PKHD1: variants seen among roughly 807,000 people sequenced by gnomAD.
The protein encoded by PKHD1 is fibrocystin.
In PKHD1, 291 loss-of-function variants were observed where a neutral mutation model predicts 412.0. The observed-to-expected ratio is 0.71, with a 90% CI of 0.64 to 0.78. The LOEUF (loss-of-function observed/expected upper bound fraction) is 0.78, where lower values mean the gene tolerates loss of function less well. PKHD1 is among the 30% of genes least tolerant of loss of function. PKHD1 has a pLI of 0.00. For synonymous variants in PKHD1, 1,777 were observed against 1,821.5 expected, an observed-to-expected ratio of 0.98 and a Z score of 0.62; for missense variants, 4,825 against 4,950.7, an observed-to-expected ratio of 0.97 and a Z score of 0.76.
chr6:51,835,807 T>C (rs1248038214), intron 51 of PKHD1, among the ~76,000 whole-genome samples: 1 of 152,200 alleles, frequency 6.6e-6, no homozygotes, highest in Non-Finnish European at 1.5e-5. Flanking sequence ...TGCTCTGACA[T>C]AGCACAAAAA....
At chr6:51,873,890 T>C (rs1333341028) in intron 46 of PKHD1, among the ~76,000 whole-genome samples, 1 of 151,776 alleles carries the variant, frequency 6.6e-6, no homozygotes, top group Non-Finnish European at 1.5e-5. Context: ...CAAAAACGGA[T>C]TGCAAATTGA....
chr6:52,043,046 A>C lies in PKHD1; in HGVS notation c.2910T>G (p.Ser970Arg). Residue 970 changes from serine to arginine, a missense_variant, in exon 27 of 67, where the codon AGT becomes AGG. Transcript: ENST00000371117. ...QFLQVTVNKTSCKVIFSNQTN... is the reference protein window; with the variant it reads ...QFLQVTVNKTRCKVIFSNQTN... Reference sequence around the variant, plus strand: ...TCTGGTTTGAGAAAATAACTTTGCAACTCGTTTTGTTCACTGTAACCTGCA... The same window carrying C: ...TCTGGTTTGAGAAAATAACTTTGCACCTCGTTTTGTTCACTGTAACCTGCA... 6.2e-7 allele frequency: 1 copy of C among 1,613,964 alleles called. No individual in the cohort carries two copies. The highest frequency in any genetic ancestry group is 2.2e-5 in the East Asian group (1 of 44,880).
intron 43 of PKHD1, among the ~76,000 whole-genome samples, chr6:51,892,685 T>C (rs1779294977): frequency 6.6e-6 from 1 of 152,212 alleles, no homozygotes; most frequent in Non-Finnish European, 1.5e-5. Flanking sequence ...ACATGGTTAA[T>C]TACAATAAGA....
intron 36 of PKHD1, among the ~76,000 whole-genome samples, chr6:51,938,956 G>A (rs1787979618): frequency 6.6e-6 from 1 of 151,494 alleles, no homozygotes; most frequent in Non-Finnish European, 1.5e-5. Flanking sequence ...CTTTTCTGGT[G>A]ATGCAGAAGA....
intron 52 of PKHD1, among the ~76,000 whole-genome samples, chr6:51,828,757 G>C (rs549170762): frequency 1.3e-5 from 2 of 152,108 alleles, no homozygotes; most frequent in East Asian, 1.9e-4. Flanking sequence ...AGTTCAGAGA[G>C]AGACAAAACC....
At chr6:51,903,486 A>T in intron 43 of PKHD1, 111 bp downstream of exon 43, 1 of 874,208 alleles carries the variant, frequency 1.1e-6, no homozygotes, top group Non-Finnish European at 1.9e-6. Flanking sequence ...TTCCAATGGC[A>T]ATTATTCTTC....
chr6:51,782,089 G>T (rs1009129018), intron 53 of PKHD1, among the ~76,000 whole-genome samples: 2 of 151,448 alleles, frequency 1.3e-5, no homozygotes, highest in African/African-American at 4.8e-5. Context: ...AAATCCTTAA[G>T]AAATATTATA....
chr6:51,761,360 G>A (rs548172125), intron 55 of PKHD1, among the ~76,000 whole-genome samples: 21 of 152,178 alleles, frequency 1.4e-4, no homozygotes, highest in East Asian at 1.4e-3. Context: ...TCACTTGCAT[G>A]CAGAATCAAA....
At chr6:51,962,611 T>C (rs956251601) in intron 35 of PKHD1, among the ~76,000 whole-genome samples, 2 of 152,028 alleles carry the variant, frequency 1.3e-5, no homozygotes, top group African/African-American at 2.4e-5. Context: ...CTCAAAGTGT[T>C]TAAATGATGT....
chr6:51,788,962 C>T (rs1359909660), intron 53 of PKHD1, among the ~76,000 whole-genome samples: 2 of 152,122 alleles, frequency 1.3e-5, no homozygotes, highest in Non-Finnish European at 2.9e-5. Context: ...GTCAAACAGC[C>T]AACAGGTGGC....
At chr6:51,756,695 C>T (rs1170097668) in intron 55 of PKHD1, among the ~76,000 whole-genome samples, 22 of 152,086 alleles carry the variant, frequency 1.4e-4, no homozygotes, top group Admixed American at 1.4e-3. Flanking sequence ...AAATGTTAGC[C>T]TACCTATGGA....
chr6:51,935,236 G>A (rs1457771807), intron 36 of PKHD1, among the ~76,000 whole-genome samples: 1 of 152,092 alleles, frequency 6.6e-6, no homozygotes, highest in Non-Finnish European at 1.5e-5. Flanking sequence ...ATTTTGCTCT[G>A]ATGTCCAAAT....
chr6:52,015,514 T>A lies in PKHD1; in HGVS notation c.5600+1896A>T, dbSNP rs74296149. Reference sequence around the variant, plus strand: ...TTAAATCATAGGGCACTTATTATAATTCTTACTCAAGAAAACATACCCACT... The same window carrying A: ...TTAAATCATAGGGCACTTATTATAAATCTTACTCAAGAAAACATACCCACT... On this transcript the variant is annotated intron_variant, in intron 34 of 66. Coordinates refer to ENST00000371117, the MANE Select transcript of PKHD1 (RefSeq NM_138694.4). 2.6e-4 allele frequency among the ~76,000 whole-genome samples: 40 copies of A among 152,312 alleles called. 1 individual carries two copies. The East Asian group carries it at 6.6e-3, about 25-fold the overall frequency.
chr6:51,757,636 G>A (rs148380786), intron 55 of PKHD1, among the ~76,000 whole-genome samples: 135 of 152,100 alleles, frequency 8.9e-4, no homozygotes, highest in Admixed American at 3.9e-3. Flanking sequence ...TTATTGCCTT[G>A]TGACTGGTTT....
In PKHD1 at chr6:51,887,201, G is replaced by A. The variant is rs766602235; in HGVS notation, c.7041C>T (p.Leu2347=). The change falls in exon 44 of 67, where the codon CTC becomes CTT. Residue 2347 remains leucine, a synonymous_variant. Transcript: ENST00000371117. ...CGAGYGYFFH[L]MTNQTSQAPL... is the part of the protein sequence containing the mutation. ...GAGCTTGTGATGTTTGGTTGGTCAT[G>A]AGATGGAAAAAGTAGCCATAGCCAG... 6.2e-7 allele frequency: 1 copy of A among 1,613,526 alleles called. No homozygotes were observed. Among genetic ancestry groups the A allele is most frequent in the East Asian group, 2.2e-5 (1 of 44,876 alleles).
chr6:51,894,343 A>G (rs533987406), intron 43 of PKHD1, among the ~76,000 whole-genome samples: 1 of 152,328 alleles, frequency 6.6e-6, no homozygotes, highest in South Asian at 2.1e-4. Flanking sequence ...CCTCACTGGC[A>G]AGAAGGTACA....
In PKHD1 at chr6:52,026,048, G is replaced by A. The variant is rs758337939; in HGVS notation, c.3762C>T (p.Ala1254=). ...GAGCGCCCGCATCGGGTATCTGGGGGGCTGGCAGGGTTTCACACCAGATGC... is the reference window on the plus strand; with the variant it reads ...GAGCGCCCGCATCGGGTATCTGGGGAGCTGGCAGGGTTTCACACCAGATGC... ...EASIWCETLP[A]PQIPDAGAPT... The change falls in exon 32 of 67, where the codon GCC becomes GCT. Residue 1254 remains alanine, a synonymous_variant. Coordinates refer to ENST00000371117, the MANE Select transcript of PKHD1 (RefSeq NM_138694.4). 4 of 1,613,988 alleles carry A rather than the reference G, an allele frequency of 2.5e-6. No individual in the cohort carries two copies. Among genetic ancestry groups the A allele is most frequent in the Non-Finnish European group, 3.4e-6 (4 of 1,180,036 alleles).
chr6:51,619,586 A>G, intron 66 of PKHD1, 66 bp from the exon 67 acceptor site: 1 of 1,272,906 alleles, frequency 7.9e-7, no homozygotes, highest in South Asian at 1.2e-5. Context: ...CACATTTTGC[A>G]TACTTAGCAT....
intron 52 of PKHD1, among the ~76,000 whole-genome samples, chr6:51,814,243 C>G (rs1209436643): frequency 6.6e-6 from 1 of 152,086 alleles, no homozygotes; most frequent in African/African-American, 2.4e-5. Flanking sequence ...CATTAAATAC[C>G]AGGTACATAC....
Sources: gnomAD v4.1 joint callset for allele counts (sites outside exome capture counted in the v4.1 genomes callset) on GRCh38, gnomAD v4.1.1 for gene constraint, MANE v1.5 for transcripts, NCBI Gene and HGNC (gene_info 2026-07-23, HGNC 2026-07-21) for gene names.